Variants in NLGN1 observed in about 807,000 individuals in gnomAD.
NLGN1 encodes the protein neuroligin-1.
In NLGN1, 12 loss-of-function variants were observed where a neutral mutation model predicts 65.5. That is an observed-to-expected ratio of 0.18 (90% CI 0.12 to 0.30). The LOEUF (loss-of-function observed/expected upper bound fraction) is 0.30, where lower values mean the gene tolerates loss of function less well. NLGN1 is among the 10% of genes least tolerant of loss of function. The pLI, the probability that NLGN1 is intolerant of heterozygous loss-of-function variation, is 1.00. For synonymous variants in NLGN1, 350 were observed against 359.5 expected, an observed-to-expected ratio of 0.97 and a Z score of 0.30; for missense variants, 750 against 1,007.1, an observed-to-expected ratio of 0.74 and a Z score of 3.46.
At chr3:173,801,445 A>C (rs893151741) in intron 3 of NLGN1, among the ~76,000 whole-genome samples, 2 of 152,058 alleles carry the variant, frequency 1.3e-5, no homozygotes, top group Non-Finnish European at 2.9e-5. Context: ...TTCCAAAATA[A>C]AATAATCTAC....
chr3:173,564,742 G>A (rs1743348101), intron 2 of NLGN1, among the ~76,000 whole-genome samples: 1 of 152,162 alleles, frequency 6.6e-6, no homozygotes, highest in South Asian at 2.1e-4. Flanking sequence ...AATCATTGTT[G>A]CTGCAAACAA....
chr3:173,841,946 C>T (rs967482610), intron 4 of NLGN1, among the ~76,000 whole-genome samples: 3 of 152,062 alleles, frequency 2.0e-5, no homozygotes, highest in Non-Finnish European at 4.4e-5. Context: ...AAAAAGCAGC[C>T]TGTATTAGTC....
intron 4 of NLGN1, among the ~76,000 whole-genome samples, chr3:174,243,872 C>T (rs773113799): frequency 2.0e-5 from 3 of 152,172 alleles, no homozygotes; most frequent in Non-Finnish European, 2.9e-5. Flanking sequence ...AACACTGTTT[C>T]ACAGAAGTCA....
At chr3:174,138,433 C>CTTTTTTTTTTTTTTTTT (rs58713208) in intron 4 of NLGN1, among the ~76,000 whole-genome samples, 1 of 132,564 alleles carries the variant, frequency 7.5e-6, no homozygotes, top group Non-Finnish European at 1.6e-5. Context: ...TTCTACTATT[C>CTTTTTTTTTTTTTTTTT]TTTTTTTTTT....
chr3:174,140,764 C>A (rs1306240510), intron 4 of NLGN1, among the ~76,000 whole-genome samples: 1 of 152,022 alleles, frequency 6.6e-6, no homozygotes. Flanking sequence ...GTGATTTTTA[C>A]AAAGATTAAA....
At chr3:173,400,459 A>G (rs940891710) in intron 1 of NLGN1, among the ~76,000 whole-genome samples, 3 of 152,042 alleles carry the variant, frequency 2.0e-5, no homozygotes, top group Admixed American at 6.5e-5. Context: ...AAGACTCTTA[A>G]TTACTATTTT....
At chr3:173,531,139 A>G (rs1736498111) in intron 2 of NLGN1, among the ~76,000 whole-genome samples, 1 of 152,164 alleles carries the variant, frequency 6.6e-6, no homozygotes, top group African/African-American at 2.4e-5. Flanking sequence ...CATGCACTCC[A>G]TAAATTTTAT....
chr3:173,892,400 T>C (rs1467929200), intron 4 of NLGN1, among the ~76,000 whole-genome samples: 3 of 151,984 alleles, frequency 2.0e-5, no homozygotes, highest in Non-Finnish European at 4.4e-5. Context: ...TTATTAAGAT[T>C]TTCCTATGTA....
intron 4 of NLGN1, among the ~76,000 whole-genome samples, chr3:174,266,199 C>G (rs779568623): frequency 6.6e-6 from 1 of 151,902 alleles, no homozygotes; most frequent in East Asian, 1.9e-4. Context: ...TCAATCTTCA[C>G]CCTCCCCCTA....
At chr3:173,768,011 A>T (rs1052196309) in intron 3 of NLGN1, among the ~76,000 whole-genome samples, 4 of 151,688 alleles carry the variant, frequency 2.6e-5, no homozygotes, top group African/African-American at 9.7e-5. Context: ...TTTAACATTA[A>T]GTAAGTTGTT....
chr3:174,189,123 G>A (rs571620917), intron 4 of NLGN1, among the ~76,000 whole-genome samples: 1 of 151,968 alleles, frequency 6.6e-6, no homozygotes, highest in African/African-American at 2.4e-5. Context: ...TAAAGGGTGG[G>A]TGTTTGAACC....
intron 4 of NLGN1, among the ~76,000 whole-genome samples, chr3:173,879,853 C>T (rs1328414025): frequency 1.3e-5 from 2 of 152,090 alleles, no homozygotes; most frequent in Non-Finnish European, 2.9e-5. Context: ...ATAGGAGCCA[C>T]TTAGCCATGA....
chr3:173,822,557 T>G (rs1326976903), intron 4 of NLGN1, among the ~76,000 whole-genome samples: 1 of 152,168 alleles, frequency 6.6e-6, no homozygotes, highest in Non-Finnish European at 1.5e-5. Flanking sequence ...AATTTTGTCT[T>G]TAGAATTAGA....
intron 2 of NLGN1, among the ~76,000 whole-genome samples, chr3:173,585,360 T>A (rs546321840): frequency 6.6e-6 from 1 of 152,100 alleles, no homozygotes; most frequent in Non-Finnish European, 1.5e-5. Context: ...AAAACCTGCA[T>A]GTAGAGCGGA....
At chr3:173,816,055 G>A (rs1483065414) in intron 4 of NLGN1, among the ~76,000 whole-genome samples, 3 of 95,696 alleles carry the variant, frequency 3.1e-5, no homozygotes, top group Non-Finnish European at 7.5e-5. Flanking sequence ...AGTCAGTAAT[G>A]AAATACTGTA....
At chr3:173,877,420 G>C (rs925959610) in intron 4 of NLGN1, among the ~76,000 whole-genome samples, 10 of 151,552 alleles carry the variant, frequency 6.6e-5, no homozygotes, top group African/African-American at 2.2e-4. Flanking sequence ...GAGACTGGAA[G>C]AGACAAAGGA....
chr3:173,808,499 G>A (rs955908708), intron 4 of NLGN1, among the ~76,000 whole-genome samples: 11 of 152,088 alleles, frequency 7.2e-5, no homozygotes, highest in Non-Finnish European at 1.5e-4. Context: ...TAGGTATTCT[G>A]AGATAGGCAT....
At chr3:174,290,896 TGAGA>T (rs1008556776), downstream of NLGN1, among the ~76,000 whole-genome samples, 1 of 150,998 alleles carries the variant, frequency 6.6e-6, no homozygotes, top group Admixed American at 6.6e-5. Flanking sequence ...GACAAGTTTT[TGAGA>T]GAGAGAAATT....
At chr3:173,762,392 TA>T (rs1453701429) in intron 3 of NLGN1, among the ~76,000 whole-genome samples, 2 of 152,222 alleles carry the variant, frequency 1.3e-5, no homozygotes, top group African/African-American at 4.8e-5. Flanking sequence ...CACATATCTG[TA>T]CCTTTAAAAT....
Sources: gnomAD v4.1 joint callset for allele counts (sites outside exome capture counted in the v4.1 genomes callset) on GRCh38, gnomAD v4.1.1 for gene constraint, MANE v1.5 for transcripts, NCBI Gene and HGNC (gene_info 2026-07-23, HGNC 2026-07-21) for gene names.